Variants in STAG1 observed in about 807,000 individuals in gnomAD.
STAG1 encodes the protein STAG1 cohesin complex component.
Under a neutral mutation model 170.9 loss-of-function variants are expected in STAG1, and 26 were observed. The observed-to-expected ratio is 0.15, with a 90% CI of 0.11 to 0.21. The LOEUF (loss-of-function observed/expected upper bound fraction) is 0.21. Among genes scored for constraint, STAG1 ranks in the 10% least tolerant of loss-of-function variants. STAG1 has a pLI of 1.00. For synonymous variants in STAG1, 514 were observed against 497.7 expected (o/e 1.03, Z -0.44); for missense variants, 964 against 1,509.5 (o/e 0.64, Z 5.99).
intron 5 of STAG1, among the ~76,000 whole-genome samples, chr3:136,563,441 T>C (rs940173538): frequency 2.6e-5 from 4 of 152,048 alleles, no homozygotes; most frequent in African/African-American, 9.7e-5. Context: ...GTCAGGACTA[T>C]TCAAAAACTA....
At chr3:136,554,209 C>T (rs1301388822) in intron 5 of STAG1, among the ~76,000 whole-genome samples, 1 of 151,850 alleles carries the variant, frequency 6.6e-6, no homozygotes, top group Non-Finnish European at 1.5e-5. Context: ...AATAACATAT[C>T]AGGGAGTGGA....
At chr3:136,469,879 T>G (rs2089577336) in intron 12 of STAG1, among the ~76,000 whole-genome samples, 2 of 152,144 alleles carry the variant, frequency 1.3e-5, no homozygotes, top group African/African-American at 4.8e-5. Context: ...AAACAAGCAA[T>G]GGGGAAAGGA....
intron 1 of STAG1, among the ~76,000 whole-genome samples, chr3:136,645,453 C>T (rs984993519): frequency 6.6e-6 from 1 of 152,170 alleles, no homozygotes; most frequent in Non-Finnish European, 1.5e-5. Context: ...TCTCCATCTC[C>T]ATTTCACCTC....
intron 1 of STAG1, among the ~76,000 whole-genome samples, chr3:136,674,899 T>A (rs990570871): frequency 6.6e-6 from 1 of 152,170 alleles, no homozygotes; most frequent in Non-Finnish European, 1.5e-5. Context: ...TAGAGAACTT[T>A]GCTACTTTCT....
At chr3:136,548,995 TC>T (rs1380043015) in intron 5 of STAG1, among the ~76,000 whole-genome samples, 3 of 152,180 alleles carry the variant, frequency 2.0e-5, no homozygotes, top group African/African-American at 7.2e-5. Context: ...ATTGTACGTT[TC>T]CTGAGGCCTT....
At chr3:136,588,321 C>T (rs111980833) in intron 4 of STAG1, among the ~76,000 whole-genome samples, 175 of 152,004 alleles carry the variant, frequency 1.2e-3, no homozygotes, top group African/African-American at 2.4e-3. Context: ...TGGGTTTTTT[C>T]TGTTGTTGTT....
chr3:136,394,872 G>A (rs2087107403), intron 22 of STAG1, among the ~76,000 whole-genome samples: 2 of 149,078 alleles, frequency 1.3e-5, no homozygotes, highest in Non-Finnish European at 3.0e-5. Context: ...AGAATCGCTT[G>A]AACCTGGGAG....
rs537018473 is a variant in STAG1 at position 136,398,211 on chromosome 3, G to C, written c.2277+538C>G. On this transcript the variant is annotated intron_variant, in intron 22 of 33. Coordinates refer to ENST00000383202, the MANE Select transcript of STAG1 (RefSeq NM_005862.3). ...GAGCTCACTGCAACCTCTACCTCCC[G>C]GGTTCAAGTGATTCTCCTGCTTCAG... 7.2e-5 allele frequency among the ~76,000 whole-genome samples: 11 copies of C among 151,934 alleles called. No individual in the cohort carries two copies. In the South Asian group the frequency reaches 1.2e-3, roughly 17 times the overall value.
In STAG1 at chr3:136,634,431, CAT is replaced by C. The variant is rs998644661; in HGVS notation, c.-83-3452_-83-3451del. Among the ~76,000 whole-genome samples the C allele has an allele frequency of 3.2e-4, 49 of 151,388 alleles. 1 individual carries two copies. The highest frequency in any genetic ancestry group is 1.1e-3 in the African/African-American group (45 of 41,382). On this transcript the variant is annotated intron_variant, in intron 1 of 33. Transcript: ENST00000383202. ...GGTCCCCAATTCATTTCCTTACAAACATATAAAAAATCATAAAGTTATAAACC... is the reference window on the plus strand; with the variant it reads ...GGTCCCCAATTCATTTCCTTACAAACATAAAAAATCATAAAGTTATAAACC...
intron 1 of STAG1, chr3:136,737,050 T>TC: frequency 7.3e-7 from 1 of 1,366,962 alleles, no homozygotes; most frequent in Non-Finnish European, 1.0e-6. Flanking sequence ...AACTTCAGGA[T>TC]CTGAAGAACC....
At position 136,579,958 on chromosome 3, in the gene STAG1, A is replaced by ATTTTTTTTTTTTTTTTTTT. The variant is rs749325884; in HGVS notation, c.298-11116_298-11098dup. ...CTATTTTGGTCACAATACCATCTGA[A>ATTTTTTTTTTTTTTTTTTT]TTTTTTTTTTTTTTTTTTTTTTTTT... On this transcript the variant is annotated intron_variant, in intron 4 of 33. Transcript: ENST00000383202. Among the ~76,000 whole-genome samples the ATTTTTTTTTTTTTTTTTTT allele has an allele frequency of 6.8e-4, 50 of 73,646 alleles. 7 individuals are homozygous for ATTTTTTTTTTTTTTTTTTT. The highest frequency in any genetic ancestry group is 8.8e-4 in the Non-Finnish European group (36 of 41,054). The allele number at this position is 73,646 out of a possible 152,430, so 48.3% of individuals were successfully genotyped here.
intron 29 of STAG1, among the ~76,000 whole-genome samples, chr3:136,346,331 T>C (rs905005367): frequency 6.6e-6 from 1 of 152,232 alleles, no homozygotes; most frequent in African/African-American, 2.4e-5. Flanking sequence ...TAAATAGAAA[T>C]AGATACTTCT....
chr3:136,360,125 G>A (rs941647441), intron 26 of STAG1, among the ~76,000 whole-genome samples: 1 of 152,116 alleles, frequency 6.6e-6, no homozygotes, highest in Non-Finnish European at 1.5e-5. Flanking sequence ...ACAGAACCCT[G>A]GAGGTAATAT....
chr3:136,499,106 G>A (rs879525028), intron 9 of STAG1, among the ~76,000 whole-genome samples: 4 of 152,182 alleles, frequency 2.6e-5, no homozygotes, highest in South Asian at 2.1e-4. Context: ...TTCAATCCGT[G>A]TTTAGTTAGA....
chr3:136,338,021 G>T lies in STAG1; in HGVS notation c.*233C>A. 1.9e-6 allele frequency: 1 copy of T among 518,266 alleles called. No individual in the cohort carries two copies. The highest frequency in any genetic ancestry group is 3.4e-6 in the Non-Finnish European group (1 of 291,010). 32.1% of individuals were successfully genotyped at this position (518,266 alleles called of 1,614,324 possible). A position where few individuals can be genotyped will look rare whatever the true frequency, so the allele number is the denominator to read the frequency against. ...CATCTGTATTGGGATAAGTCCAATA[G>T]TAGGACACAAATGATTTTCAGGTCA... On this transcript the variant is annotated 3_prime_UTR_variant, in exon 34 of 34. Transcript: ENST00000383202.
At chr3:136,463,106 T>C (rs2089322179) in intron 13 of STAG1, among the ~76,000 whole-genome samples, 2 of 152,154 alleles carry the variant, frequency 1.3e-5, no homozygotes, top group South Asian at 4.1e-4. Flanking sequence ...CAAAGATAAA[T>C]ATAAAATCAG....
chr3:136,529,236 T>C (rs1427502406), intron 6 of STAG1, among the ~76,000 whole-genome samples: 3 of 152,076 alleles, frequency 2.0e-5, no homozygotes, highest in Non-Finnish European at 4.4e-5. Context: ...TAAAACCTAC[T>C]TAATAAAATA....
At chr3:136,686,638 C>T (rs1004467218) in intron 1 of STAG1, among the ~76,000 whole-genome samples, 9 of 152,170 alleles carry the variant, frequency 5.9e-5, no homozygotes, top group African/African-American at 1.9e-4. Flanking sequence ...GTTTGAAAAA[C>T]AGCTCTAATC....
At chr3:136,507,977 G>GT (rs1289476122) in intron 7 of STAG1, among the ~76,000 whole-genome samples, 5 of 152,136 alleles carry the variant, frequency 3.3e-5, no homozygotes, top group African/African-American at 1.2e-4. Flanking sequence ...CAATAAGAAG[G>GT]TAACTGCTGA....
Sources: gnomAD v4.1 joint callset for allele counts (sites outside exome capture counted in the v4.1 genomes callset) on GRCh38, gnomAD v4.1.1 for gene constraint, MANE v1.5 for transcripts, NCBI Gene and HGNC (gene_info 2026-07-23, HGNC 2026-07-21) for gene names.